The following IGF2BP2 variants were observed in gnomAD, a reference collection of about 807,000 sequenced individuals.
The protein encoded by IGF2BP2 is insulin-like growth factor 2 mRNA-binding protein 2.
In IGF2BP2, 17 loss-of-function variants were observed where a neutral mutation model predicts 75.8. The ratio of observed to expected loss-of-function variants is 0.22; its 90% CI spans 0.15 to 0.34. The LOEUF (loss-of-function observed/expected upper bound fraction) is 0.34, where lower values mean the gene tolerates loss of function less well. Ranked by LOEUF, IGF2BP2 falls within the 10% of genes least tolerant of loss-of-function variation. IGF2BP2 has a pLI of 1.00. For synonymous variants in IGF2BP2, 288 were observed against 295.6 expected (o/e 0.97, Z 0.26); for missense variants, 516 against 772.4 (o/e 0.67, Z 3.93).
intron 2 of IGF2BP2, among the ~76,000 whole-genome samples, chr3:185,771,147 G>A (rs1284572620): frequency 6.6e-6 from 1 of 152,114 alleles, no homozygotes; most frequent in Non-Finnish European, 1.5e-5. Flanking sequence ...AACTTGAAAA[G>A]AGCCTAAATG....
intron 2 of IGF2BP2, chr3:185,713,308 T>A (rs955472485): frequency 2.3e-6 from 1 of 427,310 alleles, no homozygotes; most frequent in Non-Finnish European, 4.7e-6. Context: ...GCGACTTTGA[T>A]CTAAACAGCT....
chr3:185,804,834 A>T (rs1208035812), intron 2 of IGF2BP2, among the ~76,000 whole-genome samples: 2 of 150,960 alleles, frequency 1.3e-5, no homozygotes, highest in Non-Finnish European at 3.0e-5. Flanking sequence ...CCAAAAATAT[A>T]AAAAAAAATT....
chr3:185,753,777 TC>T (rs1731248630), intron 2 of IGF2BP2, among the ~76,000 whole-genome samples: 1 of 152,298 alleles, frequency 6.6e-6, no homozygotes. Context: ...GAAATGTGAT[TC>T]CCAATGTTGG....
intron 7 of IGF2BP2, among the ~76,000 whole-genome samples, chr3:185,685,980 C>T (rs1185773552): frequency 6.6e-6 from 1 of 152,160 alleles, no homozygotes; most frequent in Non-Finnish European, 1.5e-5. Flanking sequence ...TATTCCATCA[C>T]CACTCATTCA....
At chr3:185,824,627 G>C (rs1741800661) in intron 1 of IGF2BP2, among the ~76,000 whole-genome samples, 156 bp downstream of exon 1, 1 of 151,972 alleles carries the variant, frequency 6.6e-6, no homozygotes, top group Non-Finnish European at 1.5e-5. Flanking sequence ...CCCAGGAGCG[G>C]GCCGGCGGCG....
intron 2 of IGF2BP2, among the ~76,000 whole-genome samples, chr3:185,793,745 T>C (rs1327613797): frequency 6.6e-6 from 1 of 151,988 alleles, no homozygotes; most frequent in East Asian, 1.9e-4. Flanking sequence ...AACTGCTCAG[T>C]CTAAAGCACT....
intron 2 of IGF2BP2, among the ~76,000 whole-genome samples, chr3:185,800,977 T>C (rs1323111824): frequency 6.6e-6 from 1 of 151,746 alleles, no homozygotes; most frequent in Non-Finnish European, 1.5e-5. Flanking sequence ...AAAGGTCTAA[T>C]ATCCAGAATC....
intron 2 of IGF2BP2, among the ~76,000 whole-genome samples, chr3:185,815,876 TA>T (rs1316787374): frequency 3.9e-5 from 6 of 152,210 alleles, no homozygotes; most frequent in African/African-American, 7.2e-5. Flanking sequence ...TTATTTAGCA[TA>T]TTTTTTTGTG....
intron 2 of IGF2BP2, among the ~76,000 whole-genome samples, chr3:185,800,999 TAAAC>T (rs1367452097): frequency 6.8e-6 from 1 of 148,026 alleles, no homozygotes; most frequent in Non-Finnish European, 1.5e-5. Context: ...ACAAGGAACT[TAAAC>T]AAACTTATAA....
At chr3:185,735,242 T>C (rs1282889043) in intron 2 of IGF2BP2, among the ~76,000 whole-genome samples, 3 of 150,922 alleles carry the variant, frequency 2.0e-5, no homozygotes, top group African/African-American at 7.3e-5. Context: ...GCCTTCCGGG[T>C]TCAAGTGATT....
chr3:185,681,183 G>A (rs1720334301), intron 7 of IGF2BP2, among the ~76,000 whole-genome samples: 1 of 152,198 alleles, frequency 6.6e-6, no homozygotes, highest in Non-Finnish European at 1.5e-5. Flanking sequence ...GATTTTATAT[G>A]TAGAAAGCCT....
intron 2 of IGF2BP2, chr3:185,722,116 T>TG: frequency 3.0e-6 from 1 of 333,406 alleles, no homozygotes; most frequent in Non-Finnish European, 5.8e-6. Flanking sequence ...TTTTTTTTTG[T>TG]AGAGAGAGTG....
rs987102201 is a variant in IGF2BP2, at chr3:185,645,173, G to A, written c.*358C>T. The A allele has an allele frequency of 7.4e-6, 2 of 271,008 alleles. No homozygotes were observed. The highest frequency in any genetic ancestry group is 1.2e-3 in the Middle Eastern group (1 of 854). 16.8% of individuals were successfully genotyped at this position (271,008 alleles called of 1,614,324 possible). ...ACGATTTGCCACAGAAAAAGGGTGT[G>A]CATTTTGCTTGGCTTTGAACACGTT... On this transcript the variant is annotated 3_prime_UTR_variant, in exon 16 of 16. Transcript: ENST00000382199. This position sits in a 1 kb window ranked among gnomAD's most constrained non-coding sequence, Gnocchi z 4.9.
At chr3:185,789,443 G>A (rs538900502) in intron 2 of IGF2BP2, among the ~76,000 whole-genome samples, 2 of 152,210 alleles carry the variant, frequency 1.3e-5, no homozygotes, top group Admixed American at 1.3e-4. Context: ...TCAGATCACA[G>A]CAATAAAGAT....
At position 185,697,385 on chromosome 3, in the gene IGF2BP2, C is replaced by T. The variant is rs532836201; in HGVS notation, c.289-722G>A. On this transcript the variant is annotated intron_variant, in intron 3 of 15. Transcript: ENST00000382199. ...CCTCCGAAGTGCTGGGATTTACAGG[C>T]GTGAGCCATCACGCCCAGGCAATAA... Among the ~76,000 whole-genome samples the T allele has an allele frequency of 1.9e-4, 29 of 151,018 alleles. 1 individual carries two copies. The highest frequency in any genetic ancestry group is 6.1e-4 in the African/African-American group (25 of 41,238).
At chr3:185,810,698 C>T (rs1238022345) in intron 2 of IGF2BP2, among the ~76,000 whole-genome samples, 2 of 151,752 alleles carry the variant, frequency 1.3e-5, no homozygotes, top group Non-Finnish European at 2.9e-5. Flanking sequence ...TGCTTGAACC[C>T]AGGAGGCGGA....
intron 2 of IGF2BP2, among the ~76,000 whole-genome samples, chr3:185,813,632 A>T (rs917275671): frequency 1.3e-5 from 2 of 152,268 alleles, no homozygotes; most frequent in Admixed American, 1.3e-4. Context: ...AGGGGAAAAA[A>T]GTAACCCAAA....
chr3:185,764,632 G>T (rs1408241640), intron 2 of IGF2BP2, among the ~76,000 whole-genome samples: 2 of 152,304 alleles, frequency 1.3e-5, no homozygotes, highest in South Asian at 2.1e-4. Flanking sequence ...CTTTTCTAGA[G>T]ATCATCTTCA....
rs1377223061 is a variant in IGF2BP2, at chr3:185,644,590, G to A, written c.*941C>T. ...TGATACTCAGAGCACTGCTTTGCCT[G>A]GGGGGGGGGGGGTGCGTAGATACGG... On this transcript the variant is annotated 3_prime_UTR_variant, in exon 16 of 16. Coordinates refer to ENST00000382199, the MANE Select transcript of IGF2BP2 (RefSeq NM_006548.6). The A allele has an allele frequency of 6.4e-5, 1 of 15,610 alleles. No homozygotes were observed. The highest frequency in any genetic ancestry group is 1.6e-4 in the African/African-American group (1 of 6,252). The allele number at this position is 15,610 out of a possible 1,614,324, so 1.0% of individuals were successfully genotyped here.
Sources: allele counts gnomAD v4.1 joint callset (sites outside exome capture counted in the v4.1 genomes callset), GRCh38; gene constraint gnomAD v4.1.1; non-coding constraint Gnocchi (gnomAD v3.1); transcripts MANE v1.5; gene names NCBI Gene and HGNC (gene_info 2026-07-23, HGNC 2026-07-21).